The following TGFBI variants were observed in gnomAD, a reference collection of about 807,000 sequenced individuals.
TGFBI encodes transforming growth factor-beta-induced protein ig-h3.
In TGFBI, 50 loss-of-function variants were observed where a neutral mutation model predicts 73.7. The ratio of observed to expected loss-of-function variants is 0.68; its 90% CI spans 0.54 to 0.86. The LOEUF (loss-of-function observed/expected upper bound fraction) is 0.86. TGFBI is among the 40% of genes least tolerant of loss of function. The pLI, the probability that TGFBI is intolerant of heterozygous loss-of-function variation, is 0.00. For synonymous variants in TGFBI, 362 were observed against 360.5 expected, an observed-to-expected ratio of 1.00 and a Z score of -0.05; for missense variants, 839 against 877.0, an observed-to-expected ratio of 0.96 and a Z score of 0.55.
At chr5:136,047,213 G>A (rs550970954) in intron 5 of TGFBI, 61 bp from the exon 6 acceptor site, 40 of 1,597,364 alleles carry the variant, frequency 2.5e-5, no homozygotes, top group South Asian at 1.7e-4. Context: ...TTCTCCTCCC[G>A]GGGCTTTGGG....
At chr5:136,046,598 T>C (rs1447989148) in intron 4 of TGFBI, 103 bp downstream of exon 4, 6 of 1,395,754 alleles carry the variant, frequency 4.3e-6, no homozygotes, top group Non-Finnish European at 5.7e-6. Flanking sequence ...TTCCTACTGT[T>C]TCAGGAAGCT....
intron 7 of TGFBI, 45 bp downstream of exon 7, chr5:136,049,625 G>C: frequency 6.3e-7 from 1 of 1,590,578 alleles, no homozygotes; most frequent in Non-Finnish European, 8.6e-7. Context: ...TGTGCAGCTA[G>C]ATTGAGCCCA....
intron 12 of TGFBI, among the ~76,000 whole-genome samples, chr5:136,057,103 CAG>C (rs1751657579): frequency 6.6e-6 from 1 of 152,130 alleles, no homozygotes; most frequent in Non-Finnish European, 1.5e-5. Flanking sequence ...CAGCCACTGT[CAG>C]AACCATGCAA....
intron 7 of TGFBI, 96 bp from the exon 8 acceptor site, chr5:136,052,811 G>C: frequency 8.2e-7 from 1 of 1,223,308 alleles, no homozygotes; most frequent in Admixed American, 2.1e-5. Flanking sequence ...CCTCATCTGA[G>C]AGAACAGGAT....
At chr5:136,050,031 A>G (rs1751506709) in intron 7 of TGFBI, among the ~76,000 whole-genome samples, 1 of 152,186 alleles carries the variant, frequency 6.6e-6, no homozygotes, top group South Asian at 2.1e-4. Context: ...AACCAAAATT[A>G]CAGTTAAAAA....
chr5:136,058,676 A>G (rs546230726), intron 12 of TGFBI: 2 of 166,676 alleles, frequency 1.2e-5, no homozygotes, highest in South Asian at 3.5e-4. Flanking sequence ...TATAACCGTC[A>G]GGAGCCATGC....
intron 7 of TGFBI, among the ~76,000 whole-genome samples, chr5:136,051,259 G>A (rs765335492): frequency 5.9e-5 from 9 of 151,946 alleles, no homozygotes; most frequent in East Asian, 1.9e-4. Flanking sequence ...GTAAAACCCC[G>A]TCTCTACTAA....
chr5:136,040,352 G>A (rs956258611), intron 2 of TGFBI, among the ~76,000 whole-genome samples: 7 of 152,206 alleles, frequency 4.6e-5, no homozygotes, highest in African/African-American at 9.6e-5. Context: ...CCACACAGCA[G>A]GAGTTGAGTG....
chr5:136,046,358 G>C lies in TGFBI; in HGVS notation c.322G>C (p.Glu108Gln), dbSNP rs188322933. 1.1e-5 allele frequency: 17 copies of C among 1,613,868 alleles called. No homozygotes were observed. The highest frequency in any genetic ancestry group is 1.4e-5 in the Non-Finnish European group (16 of 1,179,846). The change falls in exon 4 of 17, where the codon GAG (glutamate) becomes CAG (glutamine). Residue 108 changes from glutamate (E) to glutamine (Q), a missense_variant. Transcript: ENST00000442011. ...AGCCCTACCACTCTCAAACCTTTAC[G>C]AGACCCTGGGAGTCGTTGGATCCAC... is the stretch of plus-strand genomic sequence containing the variant. ...PAALPLSNLY[E>Q]TLGVVGSTTT...
intron 7 of TGFBI, among the ~76,000 whole-genome samples, chr5:136,050,430 G>A (rs765104590): frequency 1.3e-5 from 2 of 152,120 alleles, no homozygotes; most frequent in Admixed American, 6.5e-5. Context: ...GTTAGGCAGT[G>A]CATTGATTAT....
rs1278970821 is a variant in TGFBI at position 136,029,049 on chromosome 5, C to CCG, written c.-5_-4dup. The CCG allele has an allele frequency of 6.6e-7, 1 of 1,525,322 alleles. No homozygotes were observed. The highest frequency in any genetic ancestry group is 2.5e-5 in the East Asian group (1 of 39,582). The allele number at this position is 1,525,322 out of a possible 1,614,324, so 94.5% of individuals were successfully genotyped here. ...GCTAGCTCGCTCGGTGCGCGTCGTC[C>CCG]CGCTCCATGGCGCTCTTCGTGCGGC... On this transcript the variant is annotated 5_prime_UTR_variant, in exon 1 of 17. Coordinates refer to ENST00000442011, the MANE Select transcript of TGFBI (RefSeq NM_000358.3).
chr5:136,051,924 CAG>C (rs1751543732), intron 7 of TGFBI, among the ~76,000 whole-genome samples: 1 of 152,236 alleles, frequency 6.6e-6, no homozygotes, highest in South Asian at 2.1e-4. Flanking sequence ...TGCAGGGCCT[CAG>C]AGCTTCCTCC....
At chr5:136,057,260 A>G (rs928025102) in intron 12 of TGFBI, among the ~76,000 whole-genome samples, 1 of 152,206 alleles carries the variant, frequency 6.6e-6, no homozygotes, top group Non-Finnish European at 1.5e-5. Flanking sequence ...AGAGGAGTAG[A>G]AAAGAATTAA....
intron 14 of TGFBI, 135 bp downstream of exon 14, chr5:136,061,071 T>C (rs1751738657): frequency 3.0e-6 from 2 of 677,346 alleles, no homozygotes; most frequent in Admixed American, 3.2e-5. Flanking sequence ...CCTATGTGAC[T>C]GATTGCAGAG....
chr5:136,040,232 T>C (rs45510395), intron 2 of TGFBI, among the ~76,000 whole-genome samples: 1 of 152,208 alleles, frequency 6.6e-6, no homozygotes, highest in Admixed American at 6.5e-5. Flanking sequence ...ACATAGACTT[T>C]GGGTTGACAT....
At position 136,049,502 on chromosome 5, in the gene TGFBI, G is replaced by A. The variant is rs770258308; in HGVS notation, c.835G>A (p.Ala279Thr). Residue 279 changes from alanine to threonine, a missense_variant, in exon 7 of 17, where the codon GCC becomes ACC. Transcript: ENST00000442011. ...LEGNGQYTLLAPTNEAFEKIP... is the reference protein window; with the variant it reads ...LEGNGQYTLLTPTNEAFEKIP... Reference sequence around the variant, plus strand: ...AGGTAACGGCCAGTACACGCTTTTGGCCCCGACCAATGAGGCCTTCGAGAA... The same window carrying A: ...AGGTAACGGCCAGTACACGCTTTTGACCCCGACCAATGAGGCCTTCGAGAA... The A allele has an allele frequency of 2.5e-6, 4 of 1,613,996 alleles. No individual in the cohort carries two copies. The Admixed American group carries it at 6.7e-5, about 27-fold the overall frequency.
At chr5:136,047,464 G>T (rs755789430) in intron 6 of TGFBI, 44 bp downstream of exon 6, 8 of 1,610,988 alleles carry the variant, frequency 5.0e-6, no homozygotes, top group East Asian at 2.2e-5. Context: ...GGGACACATT[G>T]CCTCCCAAGA....
intron 2 of TGFBI, among the ~76,000 whole-genome samples, chr5:136,041,798 A>G (rs746286346): frequency 8.5e-5 from 13 of 152,200 alleles, no homozygotes; most frequent in Non-Finnish European, 1.3e-4. Context: ...GGAACCAATG[A>G]GTTAATATTT....
chr5:136,049,523 G>T lies in TGFBI; in HGVS notation c.856G>T (p.Glu286Ter). The change falls in exon 7 of 17, where the codon GAG (glutamate) becomes TAG (stop). Residue 286 changes from glutamate to a stop codon, truncating the protein, a stop_gained. Transcript: ENST00000442011. LOFTEE classifies it high-confidence loss of function. The stretch of plus-strand genomic sequence containing the variant: ...TTTGGCCCCGACCAATGAGGCCTTC[G>T]AGAAGATCCCTAGTGAGACTTTGAA... Reference protein sequence around the residue: ...TLLAPTNEAFEKIPSETLNRI... With the variant: ...TLLAPTNEAF The T allele has an allele frequency of 6.2e-7, 1 of 1,613,950 alleles. No individual in the cohort carries two copies. The highest frequency in any genetic ancestry group is 8.5e-7 in the Non-Finnish European group (1 of 1,179,878).
Sources: gnomAD v4.1 joint callset for allele counts (sites outside exome capture counted in the v4.1 genomes callset) on GRCh38, gnomAD v4.1.1 for gene constraint, MANE v1.5 for transcripts, NCBI Gene and HGNC (gene_info 2026-07-23, HGNC 2026-07-21) for gene names.